The following ZNF519 variants were observed in gnomAD, a reference collection of about 807,000 sequenced individuals.
ZNF519 encodes the protein similar to Zinc finger protein 85 (Zinc finger protein HPF4) (HTF1).
ZNF519 carries 7 observed loss-of-function variants against 7.4 expected under a neutral mutation model. The ratio of observed to expected loss-of-function variants is 0.94; its 90% CI spans 0.54 to 1.77. The LOEUF is 1.77. Among genes scored for constraint, ZNF519 ranks in the 40% most tolerant of loss-of-function variants. The pLI is 0.00. For missense variants in ZNF519, 586 were observed against 623.1 expected (o/e 0.94, Z 0.63); for synonymous variants, 179 against 203.3 (o/e 0.88, Z 1.02).
intron 2 of ZNF519, among the ~76,000 whole-genome samples, chr18:14,118,407 CAATAAG>C (rs1437871081): frequency 3.9e-5 from 6 of 152,080 alleles, no homozygotes; most frequent in African/African-American, 1.2e-4. Flanking sequence ...TCAGATGCTA[CAATAAG>C]AATAAATCTT....
chr18:14,106,364 A>T lies in ZNF519; in HGVS notation c.176T>A (p.Ile59Lys), dbSNP rs372477493. ...YNQGILPEQG[I>K]QDSFKKATLG... is the part of the protein sequence containing the mutation. ...TGTTGCTTTTTTGAATGAATCTTGT[A>T]TGCCTTGCTCTGGTAAAATGCCTTG... Residue 59 changes from isoleucine to lysine, a missense_variant, in exon 3 of 3, where the codon ATA becomes AAA. Ile to Lys is a moderately radical substitution (Grantham distance 102). Transcript: ENST00000590202. 1.4e-4 allele frequency: 223 copies of T among 1,611,900 alleles called. No individual in the cohort carries two copies. The Middle Eastern group carries it at 2.0e-3, about 14-fold the overall frequency.
chr18:14,121,565 G>T (rs1456309731), intron 2 of ZNF519, among the ~76,000 whole-genome samples: 1 of 151,978 alleles, frequency 6.6e-6, no homozygotes, highest in African/African-American at 2.4e-5. Context: ...AAAACTGTGG[G>T]CTTTTTTTTA....
At chr18:14,124,784 T>C (rs2046289180) in intron 1 of ZNF519, among the ~76,000 whole-genome samples, 1 of 152,042 alleles carries the variant, frequency 6.6e-6, no homozygotes. Flanking sequence ...GAAGCCCTCA[T>C]GTTTGACCCT....
intron 1 of ZNF519, among the ~76,000 whole-genome samples, chr18:14,124,794 T>C (rs2046289254): frequency 6.6e-6 from 1 of 152,118 alleles, no homozygotes; most frequent in African/African-American, 2.4e-5. Flanking sequence ...TGTTTGACCC[T>C]GGCCTCACTG....
At chr18:14,124,316 A>G (rs772644124) in intron 2 of ZNF519, 34 bp downstream of exon 2, 3 of 1,563,924 alleles carry the variant, frequency 1.9e-6, no homozygotes, top group Non-Finnish European at 2.6e-6. Context: ...ACTCTGAGGG[A>G]GAATTAGGAA....
intron 3 of ZNF519, among the ~76,000 whole-genome samples, chr18:14,079,542 G>A (rs756858253): frequency 2.0e-5 from 3 of 152,184 alleles, no homozygotes; most frequent in Admixed American, 1.3e-4. Flanking sequence ...TGAAGACAGT[G>A]TGGTATTGAT....
At chr18:14,078,422 G>T (rs1230544058) in intron 3 of ZNF519, 2 of 152,084 alleles carry the variant, frequency 1.3e-5, no homozygotes, top group East Asian at 3.9e-4. Flanking sequence ...ACTCCAAACT[G>T]CACAATATTT....
At chr18:14,128,310 A>AAACAAACAAACAAACAAACAAACAAC (rs569951991) in intron 1 of ZNF519, among the ~76,000 whole-genome samples, 66 of 151,884 alleles carry the variant, frequency 4.3e-4, no homozygotes, top group African/African-American at 1.5e-3. Flanking sequence ...ACAAACAAAC[A>AAACAAACAAACAAACAAACAAACAAC]AACTCTCCAC....
At position 14,100,067 on chromosome 18, in the gene ZNF519, T is replaced by A. The variant is rs1354491795; in HGVS notation, c.*4850A>T. 6.6e-6 allele frequency: 1 copy of A among 152,160 alleles called. No individual in the cohort carries two copies. Among genetic ancestry groups the A allele is most frequent in the East Asian group, 1.9e-4 (1 of 5,194 alleles). The allele number at this position is 152,160 out of a possible 1,614,324, so 9.4% of individuals were successfully genotyped here. The stretch of plus-strand genomic sequence containing the variant: ...CATGCAGACATGAATAAACATTTCA[T>A]CAGAGATAATAGGCAGATGTCATAT... On this transcript the variant is annotated 3_prime_UTR_variant, in exon 3 of 3. Coordinates refer to ENST00000590202, the MANE Select transcript of ZNF519 (RefSeq NM_145287.4).
intron 2 of ZNF519, among the ~76,000 whole-genome samples, chr18:14,109,644 T>C (rs1221592024): frequency 3.9e-5 from 6 of 152,098 alleles, no homozygotes; most frequent in African/African-American, 7.2e-5. Flanking sequence ...AATAAATGAA[T>C]TGAAATATTT....
In ZNF519 at chr18:14,101,755, T is replaced by C. The variant is rs1286702625; in HGVS notation, c.*3162A>G. On this transcript the variant is annotated 3_prime_UTR_variant, in exon 3 of 3. Coordinates refer to ENST00000590202, the MANE Select transcript of ZNF519 (RefSeq NM_145287.4). ...GATGAAGTGTCCATCAGTTCTTTGA[T>C]GATGTTCTGTGTGGAGCTCTGCAAA... 9 of 398,560 alleles carry C rather than the reference T, an allele frequency of 2.3e-5. No homozygotes were observed. The highest frequency in any genetic ancestry group is 8.8e-5 in the Admixed American group (2 of 22,716). The allele number at this position is 398,560 out of a possible 1,614,324, so 24.7% of individuals were successfully genotyped here.
chr18:14,132,017 C>T (rs1324425377), intron 1 of ZNF519, among the ~76,000 whole-genome samples: 1 of 152,178 alleles, frequency 6.6e-6, no homozygotes, highest in Non-Finnish European at 1.5e-5. Flanking sequence ...CGGCGTCTTT[C>T]CGATGACTTT....
downstream of ZNF519, chr18:14,074,664 C>T (rs769699111): frequency 6.6e-6 from 1 of 152,340 alleles, no homozygotes; most frequent in African/African-American, 2.4e-5. Flanking sequence ...CCAACAAGTT[C>T]CTCATCTCCA....
chr18:14,083,755 G>C (rs764554972), intron 3 of ZNF519, among the ~76,000 whole-genome samples: 6 of 152,098 alleles, frequency 3.9e-5, no homozygotes, highest in Non-Finnish European at 7.4e-5. Context: ...TGATTCAGTT[G>C]GTTGAGCTTC....
intron 2 of ZNF519, among the ~76,000 whole-genome samples, chr18:14,112,941 A>G (rs2046229013): frequency 6.6e-6 from 1 of 152,160 alleles, no homozygotes; most frequent in African/African-American, 2.4e-5. Flanking sequence ...AGAACCAAAA[A>G]AGACTCAGAA....
Position 14,101,004 on chromosome 18 carries a change from T to C in ZNF519, c.*3913A>G, listed in dbSNP as rs2046157382. On this transcript the variant is annotated 3_prime_UTR_variant, in exon 3 of 3. Coordinates refer to ENST00000590202, the MANE Select transcript of ZNF519 (RefSeq NM_145287.4). ...TTATCTCATTTAGTTCTTGAAACAATCATATCATGTTAGGCTTCTTAGAAC... is the reference window on the plus strand; with the variant it reads ...TTATCTCATTTAGTTCTTGAAACAACCATATCATGTTAGGCTTCTTAGAAC... 6.6e-6 allele frequency: 1 copy of C among 152,210 alleles called. No homozygotes were observed. Among genetic ancestry groups the C allele is most frequent in the Admixed American group, 6.5e-5 (1 of 15,278 alleles). The allele number at this position is 152,210 out of a possible 1,614,324, so 9.4% of individuals were successfully genotyped here. A position where few individuals can be genotyped will look rare whatever the true frequency, so the allele number is the denominator to read the frequency against.
At position 14,106,046 on chromosome 18, in the gene ZNF519, T is replaced by G. The variant is rs1316639066; in HGVS notation, c.494A>C (p.Asp165Ala). 2 of 1,586,774 alleles carry G rather than the reference T, an allele frequency of 1.3e-6. No individual in the cohort carries two copies. Among genetic ancestry groups the G allele is most frequent in the African/African-American group, 2.7e-5 (2 of 73,374 alleles). The change falls in exon 3 of 3, where the codon GAC becomes GCC. Residue 165 changes from aspartate (D) to alanine (A), a missense_variant. Physicochemically the swap from Asp to Ala is moderately radical, Grantham distance 126. Coordinates refer to ENST00000590202, the MANE Select transcript of ZNF519 (RefSeq NM_145287.4). ...CNKNQINFNH[D>A]SNISKHHSTH... ...ACTATGATGTTTACTAATATTTGAGTCATGGTTAAAATTTATCTGATTTTT... is the reference window on the plus strand; with the variant it reads ...ACTATGATGTTTACTAATATTTGAGGCATGGTTAAAATTTATCTGATTTTT...
chr18:14,121,846 A>G (rs1017923409), intron 2 of ZNF519: 4 of 152,206 alleles, frequency 2.6e-5, no homozygotes, highest in Admixed American at 2.6e-4. Context: ...GATAATAGTT[A>G]TTAAAAAATA....
downstream of ZNF519, among the ~76,000 whole-genome samples, chr18:14,096,636 C>T (rs576739267): frequency 6.6e-5 from 10 of 152,320 alleles, no homozygotes; most frequent in African/African-American, 2.4e-4. Context: ...CCATCTCAGT[C>T]TCCCGAGTAG....
Sources: allele counts gnomAD v4.1 joint callset (sites outside exome capture counted in the v4.1 genomes callset), GRCh38; gene constraint gnomAD v4.1.1; transcripts MANE v1.5; gene names NCBI Gene and HGNC (gene_info 2026-07-23, HGNC 2026-07-21).